The following ZUP1 variants were observed in gnomAD, a reference collection of about 807,000 sequenced individuals.
The protein encoded by ZUP1 is zinc finger-containing ubiquitin peptidase 1.
Under a neutral mutation model 68.1 loss-of-function variants are expected in ZUP1, and 55 were observed. The ratio of observed to expected loss-of-function variants is 0.81; its 90% CI spans 0.65 to 1.01. The LOEUF (loss-of-function observed/expected upper bound fraction) is 1.01. ZUP1 is among the 50% of genes least tolerant of loss of function. The pLI is 0.00. For missense variants in ZUP1, 684 were observed against 674.9 expected (o/e 1.01, Z -0.15); for synonymous variants, 223 against 221.5 (o/e 1.01, Z -0.06).
In ZUP1 at chr6:116,666,998, T is replaced by A. The variant is rs748135247; in HGVS notation, c.195A>T (p.Ile65=). 8.7e-6 allele frequency: 14 copies of A among 1,613,660 alleles called. No homozygotes were observed. The highest frequency in any genetic ancestry group is 1.2e-5 in the Non-Finnish European group (14 of 1,179,838). ...QNTLERNFER[I]NTVQYGTSDN... ...CTGAAGTTCCATATTGTACTGTATT[T>A]ATCCTCTCAAAGTTTCTTTCAAGTG... Residue 65 remains isoleucine, a synonymous_variant, in exon 2 of 10, where the codon ATA becomes ATT. Coordinates refer to ENST00000368576, the MANE Select transcript of ZUP1 (RefSeq NM_145062.3).
At chr6:116,661,250 T>C (rs868159559) in intron 2 of ZUP1, among the ~76,000 whole-genome samples, 1 of 152,126 alleles carries the variant, frequency 6.6e-6, no homozygotes, top group Non-Finnish European at 1.5e-5. Flanking sequence ...ATTAACCTTA[T>C]ATAAGTAAAA....
intron 4 of ZUP1, among the ~76,000 whole-genome samples, chr6:116,657,342 T>C (rs1371387213): frequency 6.6e-6 from 1 of 152,098 alleles, no homozygotes; most frequent in East Asian, 1.9e-4. Flanking sequence ...TATGGAAAAA[T>C]TGTCTATGGA....
At chr6:116,659,654 T>A (rs917497784) in intron 3 of ZUP1, among the ~76,000 whole-genome samples, 2 of 152,050 alleles carry the variant, frequency 1.3e-5, no homozygotes, top group African/African-American at 4.8e-5. Context: ...AAAATACACA[T>A]TTACAAAGTG....
chr6:116,660,842 A>G lies in ZUP1; in HGVS notation c.564T>C (p.Cys188=). The G allele has an allele frequency of 2.0e-6, 3 of 1,511,794 alleles. No homozygotes were observed. The highest frequency in any genetic ancestry group is 1.2e-5 in the South Asian group (1 of 82,796). 93.6% of individuals were successfully genotyped at this position (1,511,794 alleles called of 1,614,324 possible). The change falls in exon 3 of 10, where the codon TGT becomes TGC. Residue 188 remains cysteine, a synonymous_variant. Transcript: ENST00000368576. ...ANLLDIPLED[C]DQPLYDCPMC... ...TAGGACAATCATAGAGTGGTTGATC[A>G]CAGTCTGTATCAGAGATATAATTAA...
In ZUP1 at chr6:116,652,092, G is replaced by A. The variant is rs201711320; in HGVS notation, c.1062C>T (p.Gly354=). 5.0e-4 allele frequency: 803 copies of A among 1,613,846 alleles called. No homozygotes were observed. Among genetic ancestry groups the A allele is most frequent in the Middle Eastern group, 2.8e-3 (17 of 6,062 alleles). Residue 354 remains glycine (G), a synonymous_variant, in exon 6 of 10, where the codon GGC becomes GGT. Coordinates refer to ENST00000368576, the MANE Select transcript of ZUP1 (RefSeq NM_145062.3). ...TGTAACCACAACCCCAACCTTTGTC[G>A]CCTAAAGATGAATGAAAGTGATCCA... ...SVVDHFHSSL[G]DKGWGCGYRN...
chr6:116,639,838 G>C (rs1399586728), intron 9 of ZUP1, among the ~76,000 whole-genome samples: 1 of 152,204 alleles, frequency 6.6e-6, no homozygotes, highest in Non-Finnish European at 1.5e-5. Flanking sequence ...GCTGGACGGA[G>C]AATGACTTTG....
At chr6:116,645,984 T>C in intron 8 of ZUP1, 50 bp from the exon 9 acceptor site, 2 of 1,320,686 alleles carry the variant, frequency 1.5e-6, no homozygotes, top group Non-Finnish European at 2.1e-6. Context: ...TTTACAGTTA[T>C]ACAAATAGTC....
At chr6:116,665,564 T>C (rs1350590104) in intron 2 of ZUP1, among the ~76,000 whole-genome samples, 3 of 145,208 alleles carry the variant, frequency 2.1e-5, no homozygotes, top group African/African-American at 7.7e-5. Context: ...TACAGAAAAA[T>C]TTTTCTTTTT....
In ZUP1 at chr6:116,660,855, G is replaced by A. The variant is rs1776814739; in HGVS notation, c.560-9C>T. On this transcript the variant is annotated splice_polypyrimidine_tract_variant and intron_variant, in intron 2 of 9. Transcript: ENST00000368576. Reference sequence around the variant, plus strand: ...GAGTGGTTGATCACAGTCTGTATCAGAGATATAATTAAGTTGTTTTTATTT... The same window carrying A: ...GAGTGGTTGATCACAGTCTGTATCAAAGATATAATTAAGTTGTTTTTATTT... 2 of 1,377,892 alleles carry A rather than the reference G, an allele frequency of 1.5e-6. No individual in the cohort carries two copies. The highest frequency in any genetic ancestry group is 3.0e-5 in the African/African-American group (2 of 67,466). The allele number at this position is 1,377,892 out of a possible 1,614,324, so 85.4% of individuals were successfully genotyped here.
chr6:116,659,755 C>T (rs1374792967), intron 3 of ZUP1, among the ~76,000 whole-genome samples: 1 of 152,168 alleles, frequency 6.6e-6, no homozygotes, highest in South Asian at 2.1e-4. Flanking sequence ...TACTCGGTGT[C>T]CCCCAGATCC....
intron 7 of ZUP1, among the ~76,000 whole-genome samples, chr6:116,649,812 T>C (rs1321214824): frequency 6.6e-6 from 1 of 152,214 alleles, no homozygotes; most frequent in East Asian, 1.9e-4. Flanking sequence ...TCTAATCAGC[T>C]TTTTAATGTT....
At chr6:116,667,581 G>A (rs949319230) in intron 1 of ZUP1, among the ~76,000 whole-genome samples, 3 of 152,026 alleles carry the variant, frequency 2.0e-5, no homozygotes, top group South Asian at 4.1e-4. Context: ...GAATACTGAA[G>A]CTGATTATAT....
intron 7 of ZUP1, among the ~76,000 whole-genome samples, chr6:116,650,697 A>G (rs1312143959): frequency 6.6e-6 from 1 of 152,176 alleles, no homozygotes; most frequent in African/African-American, 2.4e-5. Flanking sequence ...GTCTCGCTCC[A>G]AAGTTCAAGC....
intron 9 of ZUP1, among the ~76,000 whole-genome samples, chr6:116,641,937 C>A (rs983604352): frequency 6.6e-6 from 1 of 151,816 alleles, no homozygotes; most frequent in Non-Finnish European, 1.5e-5. Context: ...ATTGATAGAC[C>A]GCTAGCAAGA....
At chr6:116,652,483 T>C (rs1192173792) in intron 5 of ZUP1, among the ~76,000 whole-genome samples, 1 of 152,174 alleles carries the variant, frequency 6.6e-6, no homozygotes, top group African/African-American at 2.4e-5. Context: ...CTCCATTTTA[T>C]TGTATAGACT....
At position 116,655,936 on chromosome 6, in the gene ZUP1, T is replaced by A. The variant is rs193249186; in HGVS notation, c.961+748A>T. ...GTGCTGTGAAGTAGAAAATACACAATGGATTTTGAAGAATGTATAAACAAT... is the reference window on the plus strand; with the variant it reads ...GTGCTGTGAAGTAGAAAATACACAAAGGATTTTGAAGAATGTATAAACAAT... On this transcript the variant is annotated intron_variant, in intron 5 of 9. Transcript: ENST00000368576. Among the ~76,000 whole-genome samples, 395 of 152,312 alleles carry A rather than the reference T, an allele frequency of 2.6e-3. 2 individuals carry two copies. The highest frequency in any genetic ancestry group is 8.7e-3 in the African/African-American group (360 of 41,576).
intron 5 of ZUP1, among the ~76,000 whole-genome samples, chr6:116,653,006 G>A (rs1776561417): frequency 6.6e-6 from 1 of 151,982 alleles, no homozygotes; most frequent in Non-Finnish European, 1.5e-5. Flanking sequence ...TATTTGCTAA[G>A]TACTTTTTAA....
chr6:116,637,878 C>T (rs1775948957), intron 9 of ZUP1, among the ~76,000 whole-genome samples: 2 of 152,174 alleles, frequency 1.3e-5, no homozygotes, highest in South Asian at 4.1e-4. Flanking sequence ...GCCTGGCTAA[C>T]ATGGTGAAAC....
At chr6:116,658,092 T>TCAAA (rs146558172) in intron 4 of ZUP1, among the ~76,000 whole-genome samples, 2,489 of 152,136 alleles carry the variant, frequency 0.016, 70 homozygotes, top group African/African-American at 0.056. Flanking sequence ...AAACTCCGTC[T>TCAAA]CAAACAAACA....
Sources: gnomAD v4.1 joint callset for allele counts (sites outside exome capture counted in the v4.1 genomes callset) on GRCh38, gnomAD v4.1.1 for gene constraint, MANE v1.5 for transcripts, NCBI Gene and HGNC (gene_info 2026-07-23, HGNC 2026-07-21) for gene names.